TSBP1: variants seen among roughly 807,000 people sequenced by gnomAD.
The protein encoded by TSBP1 is testis expressed basic protein 1.
Under a neutral mutation model 68.8 loss-of-function variants are expected in TSBP1, and 56 were observed. The observed-to-expected ratio is 0.81, with a 90% CI of 0.66 to 1.02. The LOEUF (loss-of-function observed/expected upper bound fraction) is 1.02. Ranked by LOEUF, TSBP1 falls within the 50% of genes least tolerant of loss-of-function variation. The pLI, the probability that TSBP1 is intolerant of heterozygous loss-of-function variation, is 0.00. For missense variants in TSBP1, 502 were observed against 641.2 expected (o/e 0.78, Z 2.34); for synonymous variants, 171 against 208.7 (o/e 0.82, Z 1.56).
rs534000975 is a variant in TSBP1, at chr6:32,304,102, G to T, written c.581-1473C>A. Among the ~76,000 whole-genome samples, 92 of 152,100 alleles carry T rather than the reference G, an allele frequency of 6.0e-4. No individual in the cohort carries two copies. Among genetic ancestry groups the T allele is most frequent in the African/African-American group, 2.2e-3 (92 of 41,492 alleles). ...TTTGGTCCTTTCTATGTGGTTTCTT[G>T]TTTCTGTGGGCCTTTGACTTATTTA... On this transcript the variant is annotated intron_variant, in intron 19 of 22. Coordinates refer to ENST00000612031, the Ensembl canonical transcript of TSBP1. This position sits in a 1 kb window ranked among gnomAD's most constrained non-coding sequence, Gnocchi z 4.8.
intron 10 of TSBP1, 177 bp downstream of exon 11, chr6:32,339,423 C>A (rs1258064769): frequency 2.8e-6 from 2 of 710,096 alleles, no homozygotes; most frequent in Admixed American, 1.9e-5. Flanking sequence ...TCCTTTCCTC[C>A]ATCTTTATGT....
rs7776257 is a variant in TSBP1 at position 32,361,187 on chromosome 6, T to C, written c.217+4980A>G. On this transcript the variant is annotated intron_variant, in intron 6 of 22. Coordinates refer to ENST00000612031, the Ensembl canonical transcript of TSBP1. This position sits in a 1 kb window ranked among gnomAD's most constrained non-coding sequence, Gnocchi z 4.3. ...GAATGATGGTTTCCAGCTTCATCCA[T>C]GTCCCTACAAAGGACATGAACTCAT... is the stretch of plus-strand genomic sequence containing the variant. Among the ~76,000 whole-genome samples the C allele has an allele frequency of 0.48, 72,390 of 151,938 alleles. 18,580 individuals carry two copies. The highest frequency in any genetic ancestry group is 0.59 in the Middle Eastern group (174 of 294).
At chr6:32,307,777 G>GTTTTT (rs746149474) in intron 19 of TSBP1, among the ~76,000 whole-genome samples, 1 of 142,218 alleles carries the variant, frequency 7.0e-6, no homozygotes. Context: ...TTAATTGCCT[G>GTTTTT]GTTTTTTTTT....
intron 19 of TSBP1, among the ~76,000 whole-genome samples, chr6:32,310,584 TTAA>T (rs1171172632): frequency 1.3e-5 from 2 of 150,968 alleles, no homozygotes; most frequent in Non-Finnish European, 3.0e-5. Flanking sequence ...TAAACTGTGA[TTAA>T]TAATATTTAA....
chr6:32,311,433 G>A (rs918868977), intron 19 of TSBP1, among the ~76,000 whole-genome samples: 4 of 152,140 alleles, frequency 2.6e-5, no homozygotes, highest in African/African-American at 9.7e-5. Flanking sequence ...AGGAAAAAGA[G>A]GTTATAACTT....
At chr6:32,324,267 GAGACC>G (rs1767960869) in intron 16 of TSBP1, 2 of 267,764 alleles carry the variant, frequency 7.5e-6, no homozygotes, top group Non-Finnish European at 1.5e-5. Flanking sequence ...GTGGAAAAAA[GAGACC>G]AGATATGGCA....
intron 18 of TSBP1, chr6:32,322,491 G>T: frequency 1.2e-6 from 2 of 1,604,170 alleles, no homozygotes; most frequent in Middle Eastern, 1.7e-4. Context: ...CTTACTTGCG[G>T]TTCTCTGTGA....
chr6:32,336,501 G>T lies in TSBP1; in HGVS notation c.430+114C>A. On this transcript the variant is annotated intron_variant, in intron 12 of 22. Transcript: ENST00000612031. The surrounding 1 kb of genome is among the most constrained non-coding windows in gnomAD (Gnocchi z 5.2). ...TAGCAAACCTGCATATGCACCACCG[G>T]AATCTAAAATAAAAGTTGAAATTAT... 1 of 882,214 alleles carries T rather than the reference G, an allele frequency of 1.1e-6. No homozygotes were observed. Among genetic ancestry groups the T allele is most frequent in the Non-Finnish European group, 1.8e-6 (1 of 549,274 alleles). 54.6% of individuals were successfully genotyped at this position (882,214 alleles called of 1,614,324 possible). A position where few individuals can be genotyped will look rare whatever the true frequency, so the allele number is the denominator to read the frequency against.
At position 32,335,898 on chromosome 6, in the gene TSBP1, G is replaced by C. The variant is rs747428909; in HGVS notation, c.451+14C>G. 3.1e-6 allele frequency: 5 copies of C among 1,603,936 alleles called. No individual in the cohort carries two copies. The highest frequency in any genetic ancestry group is 1.3e-5 in the African/African-American group (1 of 74,918). ...GTAAAATGCTCACTGTGGAGAATCA[G>C]AGAGCAAACTTACTGATAGGTCCTG... On this transcript the variant is annotated intron_variant, in intron 13 of 22. Transcript: ENST00000612031. The surrounding 1 kb of genome is among the most constrained non-coding windows in gnomAD (Gnocchi z 5.5).
intron 18 of TSBP1, among the ~76,000 whole-genome samples, chr6:32,320,483 G>T (rs1197242743): frequency 6.6e-6 from 1 of 151,960 alleles, no homozygotes; most frequent in Non-Finnish European, 1.5e-5. Flanking sequence ...TGTCATTTGG[G>T]AGCAGATGTT....
chr6:32,315,269 C>T lies in TSBP1; in HGVS notation c.580+503G>A, dbSNP rs1483540240. On this transcript the variant is annotated intron_variant, in intron 19 of 22. Transcript: ENST00000612031. This position sits in a 1 kb window ranked among gnomAD's most constrained non-coding sequence, Gnocchi z 5.4. Reference sequence around the variant, plus strand: ...GTTACCTTGGAAGTTGGGTTTAGAACTAAAATAATGGGGCTGGGCGTGGTG... The same window carrying T: ...GTTACCTTGGAAGTTGGGTTTAGAATTAAAATAATGGGGCTGGGCGTGGTG... Among the ~76,000 whole-genome samples the T allele has an allele frequency of 6.6e-6, 1 of 152,044 alleles. No homozygotes were observed. The highest frequency in any genetic ancestry group is 2.4e-5 in the African/African-American group (1 of 41,408).
rs1476399018 is a variant in TSBP1 at position 32,357,872 on chromosome 6, G to A, written c.218-2203C>T. Among the ~76,000 whole-genome samples the A allele has an allele frequency of 1.3e-5, 2 of 152,150 alleles. No individual in the cohort carries two copies. The highest frequency in any genetic ancestry group is 2.9e-5 in the Non-Finnish European group (2 of 68,030). Reference sequence around the variant, plus strand: ...TGCCTTTCATATATCTTCAGGACACGTGTGCTATGATTATATAGGTTGGCT... The same window carrying A: ...TGCCTTTCATATATCTTCAGGACACATGTGCTATGATTATATAGGTTGGCT... On this transcript the variant is annotated intron_variant, in intron 6 of 22. Coordinates refer to ENST00000612031, the Ensembl canonical transcript of TSBP1. The surrounding 1 kb of genome is among the most constrained non-coding windows in gnomAD (Gnocchi z 4.7).
chr6:32,349,489 A>T, intron 9 of TSBP1: 1 of 431,740 alleles, frequency 2.3e-6, no homozygotes, highest in Non-Finnish European at 4.1e-6. Flanking sequence ...TCCTTTATTT[A>T]CTCTGTTTTT....
chr6:32,311,203 T>A (rs968496265), intron 19 of TSBP1, among the ~76,000 whole-genome samples: 1 of 152,202 alleles, frequency 6.6e-6, no homozygotes, highest in Non-Finnish European at 1.5e-5. Flanking sequence ...CCCCTTCATT[T>A]TTACATATAC....
At chr6:32,371,603 A>G (rs1310116029) in intron 1 of TSBP1, 91 bp downstream of exon 1, 1 of 888,916 alleles carries the variant, frequency 1.1e-6, no homozygotes, top group South Asian at 1.4e-5. Context: ...CAAGGAAGAT[A>G]AAGCAGTTGT....
chr6:32,366,762 CAAAAAA>C (rs9257084), intron 4 of TSBP1, among the ~76,000 whole-genome samples: 4 of 77,432 alleles, frequency 5.2e-5, no homozygotes, highest in South Asian at 5.2e-4. Flanking sequence ...GACTCCGTCT[CAAAAAA>C]AAAAAAAAAA....
chr6:32,292,705 A>G lies in TSBP1; in HGVS notation c.*276T>C, dbSNP rs372513793. On this transcript the variant is annotated 3_prime_UTR_variant, in exon 23 of 23. Coordinates refer to ENST00000612031, the Ensembl canonical transcript of TSBP1. The surrounding 1 kb of genome is among the most constrained non-coding windows in gnomAD (Gnocchi z 4.1). ...CATACTTGTCAAAGGAAATTACTAT[A>G]TATTTCTTTAATTAAAATGTTTTAC... The G allele has an allele frequency of 3.3e-4, 138 of 414,352 alleles. 2 individuals are homozygous for G. Among genetic ancestry groups the G allele is most frequent in the East Asian group, 2.7e-3 (68 of 24,972 alleles). The allele number at this position is 414,352 out of a possible 1,614,324, so 25.7% of individuals were successfully genotyped here. A position where few individuals can be genotyped will look rare whatever the true frequency, so the allele number is the denominator to read the frequency against.
At chr6:32,358,751 T>G (rs1215453984) in intron 6 of TSBP1, among the ~76,000 whole-genome samples, 1 of 152,076 alleles carries the variant, frequency 6.6e-6, no homozygotes, top group Non-Finnish European at 1.5e-5. Flanking sequence ...AACTCATCCT[T>G]TTTTATTGCT....
intron 14 of TSBP1, 121 bp from the exon 16 acceptor site, chr6:32,332,175 A>T (rs946589125): frequency 2.7e-6 from 2 of 727,524 alleles, no homozygotes; most frequent in African/African-American, 3.6e-5. Context: ...GATATCAGTT[A>T]TGAGATCATT....
Sources: allele counts gnomAD v4.1 joint callset (sites outside exome capture counted in the v4.1 genomes callset), GRCh38; gene constraint gnomAD v4.1.1; non-coding constraint Gnocchi (gnomAD v3.1); transcripts MANE v1.5; gene names NCBI Gene and HGNC (gene_info 2026-07-23, HGNC 2026-07-21).